The following SUCLG2 variants were observed in gnomAD, a reference collection of about 807,000 sequenced individuals.
The protein encoded by SUCLG2 is succinate--CoA ligase [GDP-forming] subunit beta, mitochondrial.
A neutral mutation model predicts 47.9 loss-of-function variants in SUCLG2; 42 were observed. The ratio of observed to expected loss-of-function variants is 0.88; its 90% CI spans 0.69 to 1.14. SUCLG2 has a LOEUF of 1.14. Among genes scored for constraint, SUCLG2 ranks in the 50% most tolerant of loss-of-function variants. SUCLG2 has a pLI of 0.00. For synonymous variants in SUCLG2, 195 were observed against 197.3 expected, an observed-to-expected ratio of 0.99 and a Z score of 0.10; for missense variants, 571 against 525.9, an observed-to-expected ratio of 1.09 and a Z score of -0.84.
chr3:67,615,558 A>G (rs555347566), intron 1 of SUCLG2, among the ~76,000 whole-genome samples: 172 of 152,034 alleles, frequency 1.1e-3, no homozygotes, highest in Non-Finnish European at 2.0e-3. Context: ...AAACTCAAAC[A>G]AAACGGAAGA....
intron 2 of SUCLG2, among the ~76,000 whole-genome samples, chr3:67,584,956 A>G (rs1295709532): frequency 6.6e-6 from 1 of 152,246 alleles, no homozygotes; most frequent in Non-Finnish European, 1.5e-5. Context: ...TATGGGAACT[A>G]AAATTCAAGA....
At chr3:67,397,075 G>A (rs575232131) in intron 10 of SUCLG2, among the ~76,000 whole-genome samples, 8 of 151,306 alleles carry the variant, frequency 5.3e-5, no homozygotes, top group Admixed American at 2.0e-4. Flanking sequence ...CATACTGAAT[G>A]GGCAAAAACT....
intron 2 of SUCLG2, among the ~76,000 whole-genome samples, chr3:67,588,035 T>C (rs1708068095): frequency 6.6e-6 from 1 of 152,208 alleles, no homozygotes; most frequent in Admixed American, 6.5e-5. Flanking sequence ...GCTAGCATTC[T>C]GTTTTACACA....
intron 2 of SUCLG2, among the ~76,000 whole-genome samples, chr3:67,591,314 A>G (rs1559586417): frequency 6.6e-6 from 1 of 152,222 alleles, no homozygotes; most frequent in East Asian, 1.9e-4. Flanking sequence ...AGTAGATGAA[A>G]CAGACTCTGC....
At chr3:67,575,646 C>T (rs779063705) in intron 2 of SUCLG2, among the ~76,000 whole-genome samples, 2 of 152,058 alleles carry the variant, frequency 1.3e-5, no homozygotes, top group Non-Finnish European at 2.9e-5. Flanking sequence ...CTGAATTATA[C>T]ACTTGAAATG....
intron 9 of SUCLG2, among the ~76,000 whole-genome samples, chr3:67,456,428 C>T (rs1253102279): frequency 1.3e-5 from 2 of 152,134 alleles, no homozygotes; most frequent in Non-Finnish European, 2.9e-5. Flanking sequence ...TATTCAATCC[C>T]GGTATAAGCC....
intron 2 of SUCLG2, among the ~76,000 whole-genome samples, chr3:67,562,612 C>A (rs2107218871): frequency 6.6e-6 from 1 of 152,290 alleles, no homozygotes. Flanking sequence ...AACATTCCCC[C>A]AATTTTATGT....
At chr3:67,453,393 G>C (rs1228405551) in intron 9 of SUCLG2, among the ~76,000 whole-genome samples, 1 of 152,140 alleles carries the variant, frequency 6.6e-6, no homozygotes, top group Non-Finnish European at 1.5e-5. Context: ...CTGTTTCCTG[G>C]ATTACAGGTG....
At position 67,422,473 on chromosome 3, in the gene SUCLG2, CAAAAAAAAAAAAAAA is replaced by C. The variant is rs58345420; in HGVS notation, c.1063-21637_1063-21623del. Among the ~76,000 whole-genome samples the C allele has an allele frequency of 6.8e-4, 21 of 30,666 alleles. No individual in the cohort carries two copies. In the South Asian group the frequency reaches 0.025, roughly 37 times the overall value. The allele number at this position is 30,666 out of a possible 152,430, so 20.1% of individuals were successfully genotyped here. Reference sequence around the variant, plus strand: ...CTGGTGACAGAGCGAGACTCCATCTCAAAAAAAAAAAAAAAAAAAAAAAAAAAAAAGAACATTCAA... The same window carrying C: ...CTGGTGACAGAGCGAGACTCCATCTCAAAAAAAAAAAAAAAGAACATTCAA... On this transcript the variant is annotated intron_variant, in intron 9 of 10. Transcript: ENST00000307227.
intron 2 of SUCLG2, among the ~76,000 whole-genome samples, chr3:67,605,273 C>A (rs940553132): frequency 6.6e-6 from 1 of 152,188 alleles, no homozygotes; most frequent in Admixed American, 6.5e-5. Flanking sequence ...TTGGTTCTGT[C>A]AATCTTGTGG....
At chr3:67,427,137 T>A (rs1202737093) in intron 9 of SUCLG2, among the ~76,000 whole-genome samples, 1 of 152,228 alleles carries the variant, frequency 6.6e-6, no homozygotes, top group Non-Finnish European at 1.5e-5. Flanking sequence ...ATGGTTCCAG[T>A]CACCTAAAAT....
At chr3:67,585,233 T>C (rs1405622536) in intron 2 of SUCLG2, among the ~76,000 whole-genome samples, 3 of 152,182 alleles carry the variant, frequency 2.0e-5, no homozygotes, top group Non-Finnish European at 2.9e-5. Context: ...TCTAATCACC[T>C]GATACCTCCA....
At chr3:67,526,824 C>T (rs965770903) in intron 4 of SUCLG2, among the ~76,000 whole-genome samples, 1 of 152,152 alleles carries the variant, frequency 6.6e-6, no homozygotes, top group South Asian at 2.1e-4. Flanking sequence ...TTCCACATAA[C>T]CCAACAATTA....
chr3:67,552,303 T>C (rs974065112), intron 2 of SUCLG2, among the ~76,000 whole-genome samples: 1 of 152,126 alleles, frequency 6.6e-6, no homozygotes, highest in Non-Finnish European at 1.5e-5. Flanking sequence ...CATGTATTAA[T>C]GGCTTCAAGG....
chr3:67,574,904 T>C (rs1385539080), intron 2 of SUCLG2, among the ~76,000 whole-genome samples: 1 of 152,220 alleles, frequency 6.6e-6, no homozygotes, highest in Admixed American at 6.5e-5. Flanking sequence ...TATGGCCAGA[T>C]AATTTACCAA....
chr3:67,428,675 C>T (rs1286415173), intron 9 of SUCLG2, among the ~76,000 whole-genome samples: 2 of 152,144 alleles, frequency 1.3e-5, no homozygotes, highest in East Asian at 3.8e-4. Flanking sequence ...GACGTTCGAA[C>T]CCATCGCAAA....
Position 67,496,780 on chromosome 3 carries a change from A to C in SUCLG2, c.920-840T>G, listed in dbSNP as rs13099732. On this transcript the variant is annotated intron_variant, in intron 8 of 10. Coordinates refer to ENST00000307227, the MANE Select transcript of SUCLG2 (RefSeq NM_003848.4). The stretch of plus-strand genomic sequence containing the variant: ...TTGCTTCTTAAGCTTAATTATATAA[A>C]ATTACTTTCCTTGAGAGAGAAAAAA... Among the ~76,000 whole-genome samples, 654 of 152,176 alleles carry C rather than the reference A, an allele frequency of 4.3e-3. 1 individual carries two copies. Among genetic ancestry groups the C allele is most frequent in the Middle Eastern group, 0.01 (3 of 294 alleles).
chr3:67,428,668 G>A (rs567001782), intron 9 of SUCLG2, among the ~76,000 whole-genome samples: 97 of 152,252 alleles, frequency 6.4e-4, no homozygotes, highest in African/African-American at 8.2e-4. Flanking sequence ...AAAGGAGGAC[G>A]TTCGAACCCA....
At chr3:67,645,229 T>A (rs182118890) in intron 1 of SUCLG2, among the ~76,000 whole-genome samples, 1 of 152,130 alleles carries the variant, frequency 6.6e-6, no homozygotes, top group African/African-American at 2.4e-5. Context: ...TTATACAAAA[T>A]ATAGTCATAA....
Sources: allele counts gnomAD v4.1 joint callset (sites outside exome capture counted in the v4.1 genomes callset), GRCh38; gene constraint gnomAD v4.1.1; transcripts MANE v1.5; gene names NCBI Gene and HGNC (gene_info 2026-07-23, HGNC 2026-07-21).